FAM135B: variants seen among roughly 807,000 people sequenced by gnomAD.
The protein encoded by FAM135B is protein FAM135B.
FAM135B carries 43 observed loss-of-function variants against 127.7 expected under a neutral mutation model. The ratio of observed to expected loss-of-function variants is 0.34; its 90% CI spans 0.26 to 0.43. The LOEUF (loss-of-function observed/expected upper bound fraction) is 0.43, where lower values mean the gene tolerates loss of function less well. Among genes scored for constraint, FAM135B ranks in the 20% least tolerant of loss-of-function variants. The pLI, the probability that FAM135B is intolerant of heterozygous loss-of-function variation, is 1.00. For synonymous variants in FAM135B, 670 were observed against 665.1 expected (o/e 1.01, Z -0.11); for missense variants, 1,558 against 1,725.6 (o/e 0.90, Z 1.72).
chr8:138,342,108 T>C (rs1326542048), intron 2 of FAM135B, among the ~76,000 whole-genome samples: 1 of 152,192 alleles, frequency 6.6e-6, no homozygotes, highest in African/African-American at 2.4e-5. Flanking sequence ...CCACATCTCT[T>C]CACCCATTTT....
chr8:138,267,603 G>C (rs1586925284), intron 3 of FAM135B, among the ~76,000 whole-genome samples: 3 of 147,126 alleles, frequency 2.0e-5, no homozygotes, highest in Admixed American at 1.4e-4. Context: ...AACTAGCAAA[G>C]AAAAATCCTA....
intron 2 of FAM135B, among the ~76,000 whole-genome samples, chr8:138,342,905 T>C (rs770481875): frequency 6.6e-5 from 10 of 152,160 alleles, no homozygotes; most frequent in Non-Finnish European, 1.3e-4. Context: ...CATCCAAACA[T>C]GCATGCACAA....
intron 1 of FAM135B, among the ~76,000 whole-genome samples, chr8:138,488,743 T>G (rs915107918): frequency 2.6e-5 from 4 of 152,204 alleles, no homozygotes; most frequent in African/African-American, 9.6e-5. Context: ...CTCGGCTCAC[T>G]GCAACCTTCG....
chr8:138,478,112 C>T (rs944695616), intron 1 of FAM135B, among the ~76,000 whole-genome samples: 1 of 152,124 alleles, frequency 6.6e-6, no homozygotes, highest in South Asian at 2.1e-4. Context: ...AAGAAAACTA[C>T]ACATAATTTC....
intron 3 of FAM135B, among the ~76,000 whole-genome samples, chr8:138,294,994 CAG>C (rs1825372625): frequency 6.6e-6 from 1 of 151,868 alleles, no homozygotes; most frequent in Non-Finnish European, 1.5e-5. Flanking sequence ...CAATAATCTT[CAG>C]AGTCTGTTCT....
rs532428191 is a variant in FAM135B at position 138,153,161 on chromosome 8, T to C, written c.1314A>G (p.Ile438Met). The C allele has an allele frequency of 6.2e-7, 1 of 1,609,954 alleles. No individual in the cohort carries two copies. The highest frequency in any genetic ancestry group is 2.2e-5 in the East Asian group (1 of 44,774). ...NFDVPVTSPT[I>M]MNLKDKEDNC... ...TATCTTCCTTGTCTTTCAGATTCATTATTGTAGGACTTGTCACTGGAACAT... is the reference window on the plus strand; with the variant it reads ...TATCTTCCTTGTCTTTCAGATTCATCATTGTAGGACTTGTCACTGGAACAT... The change falls in exon 13 of 20, where the codon ATA becomes ATG. Residue 438 changes from isoleucine to methionine, a missense_variant. Ile to Met is a conservative substitution (Grantham distance 10). This residue lies in a region of FAM135B where 923 missense variants were observed against 865.3 expected (regional missense o/e 1.07). Coordinates refer to ENST00000395297, the MANE Select transcript of FAM135B (RefSeq NM_015912.4).
At chr8:138,304,911 T>A (rs1253700558) in intron 3 of FAM135B, among the ~76,000 whole-genome samples, 1 of 152,174 alleles carries the variant, frequency 6.6e-6, no homozygotes, top group East Asian at 1.9e-4. Context: ...CCCTTTTAAG[T>A]GCTTCGCTTA....
intron 2 of FAM135B, among the ~76,000 whole-genome samples, chr8:138,316,724 T>C (rs1827123477): frequency 6.6e-6 from 1 of 152,088 alleles, no homozygotes; most frequent in African/African-American, 2.4e-5. Flanking sequence ...CTCACGCCTG[T>C]AATCCCACCA....
chr8:138,361,842 C>T lies in FAM135B; in HGVS notation c.77+6065G>A, dbSNP rs143950070. Among the ~76,000 whole-genome samples, 798 of 152,216 alleles carry T rather than the reference C, an allele frequency of 5.2e-3. 1 individual carries two copies. Among genetic ancestry groups the T allele is most frequent in the Non-Finnish European group, 6.9e-3 (468 of 68,014 alleles). On this transcript the variant is annotated intron_variant, in intron 2 of 19. Coordinates refer to ENST00000395297, the MANE Select transcript of FAM135B (RefSeq NM_015912.4). ...TGACAGCTCTGCTGTTATTTCACTC[C>T]GAGACATCTGTTCTGACTCTGCCTA...
chr8:138,315,921 T>C (rs1380420618), intron 2 of FAM135B, among the ~76,000 whole-genome samples: 1 of 152,136 alleles, frequency 6.6e-6, no homozygotes, highest in Non-Finnish European at 1.5e-5. Flanking sequence ...AGATATATAG[T>C]ATAAATAAGT....
chr8:138,303,721 G>A (rs576194353), intron 3 of FAM135B, among the ~76,000 whole-genome samples: 2 of 152,322 alleles, frequency 1.3e-5, no homozygotes, highest in South Asian at 4.1e-4. Context: ...GCAAGGCTGT[G>A]GTGTCCTGGT....
chr8:138,141,491 A>C lies in FAM135B; in HGVS notation c.3639-142T>G. ...CTGGCAAAGAGAACAGGGACTGCCA[A>C]CTCAACCTCATCAGGTTTCAAAACA... On this transcript the variant is annotated intron_variant, in intron 16 of 19. Transcript: ENST00000395297. This position sits in a 1 kb window ranked among gnomAD's most constrained non-coding sequence, Gnocchi z 4.7. 2.5e-6 allele frequency: 2 copies of C among 812,740 alleles called. No individual in the cohort carries two copies. Among genetic ancestry groups the C allele is most frequent in the Non-Finnish European group, 4.0e-6 (2 of 500,014 alleles). The allele number at this position is 812,740 out of a possible 1,614,324, so 50.3% of individuals were successfully genotyped here.
chr8:138,240,821 A>G (rs872501), intron 7 of FAM135B, among the ~76,000 whole-genome samples: 31,074 of 151,962 alleles, frequency 0.2, 4,115 homozygotes, highest in African/African-American at 0.38. Flanking sequence ...CATCTTCACA[A>G]CCTCCTGTGG....
At chr8:138,139,132 C>T (rs4634694) in intron 17 of FAM135B, 36 bp from the exon 18 acceptor site, 863,968 of 1,381,070 alleles carry the variant, frequency 0.63, 272,563 homozygotes, top group Admixed American at 0.65. Flanking sequence ...ATCAAAAACA[C>T]AAAACAAAAC....
chr8:138,397,210 G>A (rs1430259969), intron 1 of FAM135B, among the ~76,000 whole-genome samples: 1 of 152,180 alleles, frequency 6.6e-6, no homozygotes, highest in African/African-American at 2.4e-5. Context: ...GAAATCTGGA[G>A]CCAGATTCCA....
chr8:138,452,550 C>T (rs1564014254), intron 1 of FAM135B, among the ~76,000 whole-genome samples: 1 of 152,144 alleles, frequency 6.6e-6, no homozygotes, highest in Non-Finnish European at 1.5e-5. Flanking sequence ...TCTACATAGA[C>T]ATCCTTCTGT....
chr8:138,403,162 A>T (rs1833246482), intron 1 of FAM135B, among the ~76,000 whole-genome samples: 1 of 152,194 alleles, frequency 6.6e-6, no homozygotes, highest in Non-Finnish European at 1.5e-5. Flanking sequence ...GAAAATATTT[A>T]TCTCACTTAC....
chr8:138,442,264 A>ATG (rs1835834783), intron 1 of FAM135B, among the ~76,000 whole-genome samples: 2 of 130,700 alleles, frequency 1.5e-5, no homozygotes, highest in Non-Finnish European at 3.3e-5. Flanking sequence ...ATATATATAT[A>ATG]TATATATATA....
intron 2 of FAM135B, among the ~76,000 whole-genome samples, chr8:138,323,688 A>G (rs1827606544): frequency 6.6e-6 from 1 of 152,136 alleles, no homozygotes. Context: ...GAAGCCAAAT[A>G]CACTTCTTAC....
Sources: allele counts gnomAD v4.1 joint callset (sites outside exome capture counted in the v4.1 genomes callset), GRCh38; gene constraint gnomAD v4.1.1; regional missense constraint gnomAD v4.1.1; non-coding constraint Gnocchi (gnomAD v3.1); transcripts MANE v1.5; gene names NCBI Gene and HGNC (gene_info 2026-07-23, HGNC 2026-07-21).